The following GPC5 variants were observed in gnomAD, a reference collection of about 807,000 sequenced individuals.
GPC5 encodes glypican-5.
Under a neutral mutation model 53.9 loss-of-function variants are expected in GPC5, and 47 were observed. The ratio of observed to expected loss-of-function variants is 0.87; its 90% CI spans 0.69 to 1.11. GPC5 has a LOEUF of 1.11. Ranked by LOEUF, GPC5 falls within the 50% of genes most tolerant of loss-of-function variation. GPC5 has a pLI of 0.00. For missense variants in GPC5, 748 were observed against 713.1 expected, an observed-to-expected ratio of 1.05 and a Z score of -0.56; for synonymous variants, 286 against 263.3, an observed-to-expected ratio of 1.09 and a Z score of -0.84.
chr13:91,503,387 C>T (rs1223088299), intron 2 of GPC5, among the ~76,000 whole-genome samples: 2 of 151,612 alleles, frequency 1.3e-5, no homozygotes, highest in East Asian at 1.9e-4. Flanking sequence ...TTTCCAGCTC[C>T]ACCCCTTCTG....
chr13:92,403,518 T>C (rs1295566665), intron 7 of GPC5, among the ~76,000 whole-genome samples: 2 of 152,180 alleles, frequency 1.3e-5, no homozygotes, highest in African/African-American at 2.4e-5. Context: ...ATGTGAGGGA[T>C]CTAGGCTGCA....
chr13:91,565,472 T>C (rs2031487188), intron 2 of GPC5, among the ~76,000 whole-genome samples: 1 of 152,180 alleles, frequency 6.6e-6, no homozygotes, highest in Admixed American at 6.5e-5. Context: ...GCTTAACTTA[T>C]TGGCCCAGAA....
chr13:92,693,090 T>A (rs529759618), intron 7 of GPC5, among the ~76,000 whole-genome samples: 1 of 152,222 alleles, frequency 6.6e-6, no homozygotes, highest in Admixed American at 6.5e-5. Flanking sequence ...GGGCCTTGAT[T>A]CCCCTTCACC....
At chr13:92,040,331 C>A (rs2040932161) in intron 6 of GPC5, among the ~76,000 whole-genome samples, 1 of 152,122 alleles carries the variant, frequency 6.6e-6, no homozygotes, top group South Asian at 2.1e-4. Flanking sequence ...ATCTGAGTGA[C>A]TGGGGTGTGT....
chr13:92,680,100 T>C (rs1887070128), intron 7 of GPC5, among the ~76,000 whole-genome samples: 1 of 152,178 alleles, frequency 6.6e-6, no homozygotes, highest in South Asian at 2.1e-4. Flanking sequence ...TGAGATTGTC[T>C]CATATTTTCT....
intron 5 of GPC5, among the ~76,000 whole-genome samples, chr13:91,804,747 A>T (rs2038192941): frequency 6.6e-6 from 1 of 152,212 alleles, no homozygotes; most frequent in Non-Finnish European, 1.5e-5. Context: ...TGCCATCTTG[A>T]GTCCCTAAGA....
intron 7 of GPC5, among the ~76,000 whole-genome samples, chr13:92,797,029 A>G (rs1876709991): frequency 6.6e-6 from 1 of 151,932 alleles, no homozygotes; most frequent in South Asian, 2.1e-4. Flanking sequence ...CAAAACTCAC[A>G]AGTGTTTTGT....
chr13:91,898,103 T>G (rs781511777), intron 5 of GPC5, among the ~76,000 whole-genome samples: 1 of 152,184 alleles, frequency 6.6e-6, no homozygotes, highest in Non-Finnish European at 1.5e-5. Context: ...AATACCATCA[T>G]GCAGGCAATT....
At chr13:92,124,332 G>A (rs376684829) in intron 6 of GPC5, among the ~76,000 whole-genome samples, 1 of 149,964 alleles carries the variant, frequency 6.7e-6, no homozygotes, top group South Asian at 2.1e-4. Context: ...AAAACAGCCA[G>A]ATGTTACAAC....
At chr13:92,761,452 C>T (rs573427098) in intron 7 of GPC5, among the ~76,000 whole-genome samples, 5 of 152,228 alleles carry the variant, frequency 3.3e-5, no homozygotes, top group African/African-American at 1.2e-4. Context: ...TGTTACGTTT[C>T]TTGTGACTTT....
intron 6 of GPC5, among the ~76,000 whole-genome samples, chr13:91,931,695 A>G (rs1325225044): frequency 2.0e-5 from 3 of 152,032 alleles, no homozygotes; most frequent in African/African-American, 7.2e-5. Flanking sequence ...CATTGCACAT[A>G]ACCTTCAAAG....
intron 2 of GPC5, among the ~76,000 whole-genome samples, chr13:91,472,261 G>T (rs548729378): frequency 6.6e-6 from 1 of 152,044 alleles, no homozygotes; most frequent in Non-Finnish European, 1.5e-5. Context: ...TGTCAATTAC[G>T]GTCTTCTTTA....
chr13:91,496,611 A>T (rs12876896), intron 2 of GPC5, among the ~76,000 whole-genome samples: 1 of 152,206 alleles, frequency 6.6e-6, no homozygotes, highest in Admixed American at 6.5e-5. Flanking sequence ...GATAAAAAGG[A>T]TGGTTACCAG....
intron 7 of GPC5, among the ~76,000 whole-genome samples, chr13:92,167,412 T>A (rs1378288471): frequency 6.6e-6 from 1 of 152,162 alleles, no homozygotes; most frequent in African/African-American, 2.4e-5. Flanking sequence ...TCCACAGGGT[T>A]TTAAAATGAA....
At chr13:92,815,135 GT>G in intron 7 of GPC5, among the ~76,000 whole-genome samples, 1 of 151,984 alleles carries the variant, frequency 6.6e-6, no homozygotes, top group South Asian at 2.1e-4. Flanking sequence ...ACTCTGATAG[GT>G]TAGATTGACA....
intron 6 of GPC5, among the ~76,000 whole-genome samples, chr13:91,952,209 ATG>A (rs909333688): frequency 1.1e-4 from 6 of 52,380 alleles, no homozygotes; most frequent in Admixed American, 6.0e-4. Flanking sequence ...GTGTGTGTGT[ATG>A]TATTTGTGCA....
At chr13:92,502,100 A>T (rs2138934579) in intron 7 of GPC5, among the ~76,000 whole-genome samples, 1 of 152,212 alleles carries the variant, frequency 6.6e-6, no homozygotes, top group South Asian at 2.1e-4. Context: ...AATGAGATTT[A>T]TATGCTCTGG....
intron 7 of GPC5, among the ~76,000 whole-genome samples, chr13:92,291,242 G>C (rs980765353): frequency 6.6e-6 from 1 of 152,158 alleles, no homozygotes; most frequent in Admixed American, 6.5e-5. Flanking sequence ...CGCATGGCAC[G>C]GGACTGACAG....
At chr13:91,745,430 G>A (rs572637612) in intron 4 of GPC5, among the ~76,000 whole-genome samples, 3 of 69,868 alleles carry the variant, frequency 4.3e-5, no homozygotes, top group African/African-American at 1.7e-4. Flanking sequence ...TTTCTGCAAA[G>A]GGTCTCTAAG....
Sources: gnomAD v4.1 joint callset for allele counts (sites outside exome capture counted in the v4.1 genomes callset) on GRCh38, gnomAD v4.1.1 for gene constraint, MANE v1.5 for transcripts, NCBI Gene and HGNC (gene_info 2026-07-23, HGNC 2026-07-21) for gene names.